Variants in MEF2C observed in about 807,000 individuals in gnomAD.
MEF2C encodes myocyte-specific enhancer factor 2C.
Under a neutral mutation model 50.5 loss-of-function variants are expected in MEF2C, and 6 were observed. That is an observed-to-expected ratio of 0.12 (90% CI 0.07 to 0.23). MEF2C has a LOEUF of 0.23. MEF2C is among the 10% of genes least tolerant of loss of function. The pLI, the probability that MEF2C is intolerant of heterozygous loss-of-function variation, is 1.00. For missense variants in MEF2C, 276 were observed against 605.0 expected, an observed-to-expected ratio of 0.46 and a Z score of 5.70; for synonymous variants, 183 against 228.0, an observed-to-expected ratio of 0.80 and a Z score of 1.78.
intron 1 of MEF2C, among the ~76,000 whole-genome samples, chr5:88,879,736 T>C (rs1006932818): frequency 6.6e-6 from 1 of 152,164 alleles, no homozygotes; most frequent in Non-Finnish European, 1.5e-5. Context: ...ACATGTTTTC[T>C]CTTACTTCAC....
intron 3 of MEF2C, among the ~76,000 whole-genome samples, chr5:88,799,918 A>C (rs978172281): frequency 2.9e-5 from 1 of 35,038 alleles, no homozygotes; most frequent in African/African-American, 6.0e-5. Flanking sequence ...ACACACAGAG[A>C]GAGAGACACA....
intron 2 of MEF2C, among the ~76,000 whole-genome samples, chr5:88,813,966 A>G (rs1188683196): frequency 6.6e-6 from 1 of 152,002 alleles, no homozygotes; most frequent in East Asian, 1.9e-4. Context: ...CCCCCCACCT[A>G]GATAATCTCT....
upstream of MEF2C, chr5:88,883,617 TCCTTTTTTCCC>T (rs1238664204): frequency 6.6e-6 from 1 of 152,260 alleles, no homozygotes; most frequent in African/African-American, 2.4e-5. Flanking sequence ...GTCTTTTGCC[TCCTTTTTTCCC>T]CCTTTATTTA....
At chr5:88,789,757 A>T (rs1367249050) in intron 3 of MEF2C, among the ~76,000 whole-genome samples, 1 of 152,164 alleles carries the variant, frequency 6.6e-6, no homozygotes, top group Non-Finnish European at 1.5e-5. Flanking sequence ...AATACACTAA[A>T]CACCATTGAG....
At chr5:88,828,804 C>T (rs1229368566) in intron 1 of MEF2C, among the ~76,000 whole-genome samples, 2 of 151,920 alleles carry the variant, frequency 1.3e-5, no homozygotes, top group Admixed American at 1.3e-4. Flanking sequence ...CTATTCTGAA[C>T]TTCAAAAGGT....
intron 1 of MEF2C, among the ~76,000 whole-genome samples, chr5:88,896,276 G>A (rs1835106897): frequency 6.6e-6 from 1 of 152,236 alleles, no homozygotes; most frequent in African/African-American, 2.4e-5. Flanking sequence ...TATGAGGCAG[G>A]CAGCCACTGC....
At chr5:88,738,464 A>G (rs1765062104) in intron 6 of MEF2C, 3 of 867,138 alleles carry the variant, frequency 3.5e-6, no homozygotes, top group South Asian at 1.1e-4. Context: ...TAGTATCCCT[A>G]TGAAAAATGA....
intron 1 of MEF2C, among the ~76,000 whole-genome samples, chr5:88,870,313 A>G (rs536174740): frequency 2.2e-4 from 34 of 152,222 alleles, no homozygotes; most frequent in African/African-American, 8.2e-4. Context: ...AAAGTTTCTT[A>G]GAAATCTCTT....
At chr5:88,897,359 A>G (rs537389067) in intron 1 of MEF2C, among the ~76,000 whole-genome samples, 1 of 152,302 alleles carries the variant, frequency 6.6e-6, no homozygotes, top group African/African-American at 2.4e-5. Flanking sequence ...AAACTCACCC[A>G]CAGGAGAATA....
chr5:88,829,697 A>T (rs1041974816), intron 1 of MEF2C, among the ~76,000 whole-genome samples: 7 of 152,064 alleles, frequency 4.6e-5, no homozygotes, highest in Non-Finnish European at 8.8e-5. Context: ...GTGGAATTAG[A>T]ATAATTGATA....
At chr5:88,732,486 A>G (rs1762137326) in intron 6 of MEF2C, 2 of 152,288 alleles carry the variant, frequency 1.3e-5, no homozygotes, top group Non-Finnish European at 2.9e-5. Context: ...AGTTCAGTGT[A>G]CAACCCTTGC....
chr5:88,815,449 T>C (rs975706080), intron 2 of MEF2C, among the ~76,000 whole-genome samples: 4 of 152,138 alleles, frequency 2.6e-5, no homozygotes, highest in Non-Finnish European at 5.9e-5. Flanking sequence ...TAGTGATTTC[T>C]TTAGTTAAAC....
rs1208109428 is a variant in MEF2C, at chr5:88,743,371, A to T, written c.637+5699T>A. 7 of 985,270 alleles carry T rather than the reference A, an allele frequency of 7.1e-6. No homozygotes were observed. In the African/African-American group the frequency reaches 1.2e-4, roughly 17 times the overall value. The allele number at this position is 985,270 out of a possible 1,614,324, so 61.0% of individuals were successfully genotyped here. On this transcript the variant is annotated intron_variant, in intron 6 of 10. Coordinates refer to ENST00000504921, the MANE Select transcript of MEF2C (RefSeq NM_002397.5). ...AGAGAAGTCTTTCTGGCCAATAAGA[A>T]AGTCAGCCAAGAAATTTTTGATAAG... is the stretch of plus-strand genomic sequence containing the variant.
chr5:88,835,160 A>T (rs1202985909), intron 1 of MEF2C, among the ~76,000 whole-genome samples: 1 of 152,204 alleles, frequency 6.6e-6, no homozygotes, highest in Admixed American at 6.5e-5. Flanking sequence ...GAAGAATCTG[A>T]TAAATACAAT....
At chr5:88,818,113 G>T (rs978359304) in intron 2 of MEF2C, among the ~76,000 whole-genome samples, 2 of 151,898 alleles carry the variant, frequency 1.3e-5, no homozygotes, top group African/African-American at 2.4e-5. Context: ...CCAAGACAAA[G>T]AAATGATAAA....
chr5:88,844,423 A>G (rs1440728373), intron 1 of MEF2C, among the ~76,000 whole-genome samples: 1 of 152,210 alleles, frequency 6.6e-6, no homozygotes, highest in East Asian at 1.9e-4. Flanking sequence ...AAAGTCCGAA[A>G]TCAGTTGACA....
rs1171056565 is a variant in MEF2C, at chr5:88,750,237, T to C, written c.590-1120A>G. ...TTTTTTTTTTTGAGACAGAGCTTGC[T>C]CTGTTGCCCAGGCTGGAGTATAGTG... is the stretch of plus-strand genomic sequence containing the variant. On this transcript the variant is annotated intron_variant, in intron 5 of 10. Coordinates refer to ENST00000504921, the MANE Select transcript of MEF2C (RefSeq NM_002397.5). 20 of 304,670 alleles carry C rather than the reference T, an allele frequency of 6.6e-5. No homozygotes were observed. The South Asian group carries it at 2.1e-3, about 32-fold the overall frequency. The allele number at this position is 304,670 out of a possible 1,614,324, so 18.9% of individuals were successfully genotyped here.
rs3729668 is a variant in MEF2C at position 88,729,195 on chromosome 5, T to C, written c.964+23A>G. On this transcript the variant is annotated intron_variant, in intron 9 of 10. Transcript: ENST00000504921. Reference sequence around the variant, plus strand: ...CAATAAAAAGTATTTAGTGTACTAATTGCACATGACAAAGCTACTCACCGG... The same window carrying C: ...CAATAAAAAGTATTTAGTGTACTAACTGCACATGACAAAGCTACTCACCGG... The C allele has an allele frequency of 3.0e-4, 476 of 1,612,284 alleles. 1 individual carries two copies. The East Asian group carries it at 9.6e-3, about 32-fold the overall frequency.
intron 1 of MEF2C, among the ~76,000 whole-genome samples, chr5:88,836,896 A>G (rs1182294536): frequency 6.6e-6 from 1 of 151,828 alleles, no homozygotes; most frequent in African/African-American, 2.4e-5. Context: ...GGTGGAGGCA[A>G]GCTCACGACT....
Sources: gnomAD v4.1 joint callset for allele counts (sites outside exome capture counted in the v4.1 genomes callset) on GRCh38, gnomAD v4.1.1 for gene constraint, MANE v1.5 for transcripts, NCBI Gene and HGNC (gene_info 2026-07-23, HGNC 2026-07-21) for gene names.